PLXNA4: variants seen among roughly 807,000 people sequenced by gnomAD.
PLXNA4 encodes the protein plexin A4.
Under a neutral mutation model 191.8 loss-of-function variants are expected in PLXNA4, and 44 were observed. The observed-to-expected ratio is 0.23, with a 90% CI of 0.18 to 0.29. The LOEUF is 0.29. PLXNA4 is among the 10% of genes least tolerant of loss of function. PLXNA4 has a pLI of 1.00. For missense variants in PLXNA4, 1,800 were observed against 2,488.8 expected (o/e 0.72, Z 5.89); for synonymous variants, 1,082 against 1,009.5 (o/e 1.07, Z -1.36).
chr7:132,194,727 G>A (rs1797200097), intron 13 of PLXNA4, among the ~76,000 whole-genome samples: 1 of 152,172 alleles, frequency 6.6e-6, no homozygotes, highest in Non-Finnish European at 1.5e-5. Flanking sequence ...GTGTATGCGT[G>A]TGTGAACTTT....
At chr7:132,347,173 T>C (rs1393091093) in intron 3 of PLXNA4, among the ~76,000 whole-genome samples, 2 of 152,116 alleles carry the variant, frequency 1.3e-5, no homozygotes, top group African/African-American at 4.8e-5. Context: ...TTGGATTAAA[T>C]AGCATCAAAG....
intron 3 of PLXNA4, among the ~76,000 whole-genome samples, chr7:132,336,159 T>A (rs1177466577): frequency 6.6e-6 from 1 of 152,204 alleles, no homozygotes; most frequent in Non-Finnish European, 1.5e-5. Flanking sequence ...TAGCTTCTGC[T>A]CTCTAAGTAT....
intron 3 of PLXNA4, among the ~76,000 whole-genome samples, chr7:132,453,819 C>T (rs908407459): frequency 5.3e-5 from 8 of 152,320 alleles, no homozygotes; most frequent in East Asian, 3.9e-4. Context: ...GGATTATAGG[C>T]GTGAGCCACC....
intron 10 of PLXNA4, among the ~76,000 whole-genome samples, chr7:132,206,101 C>A (rs767283874): frequency 1.1e-4 from 16 of 152,126 alleles, no homozygotes; most frequent in Non-Finnish European, 1.9e-4. Context: ...CTGCCAGTGA[C>A]CAGCTGTGTG....
chr7:132,132,243 C>T (rs1003877444), intron 31 of PLXNA4, among the ~76,000 whole-genome samples: 1 of 152,244 alleles, frequency 6.6e-6, no homozygotes, highest in African/African-American at 2.4e-5. Context: ...TCTCTCCCAG[C>T]TGCTCCTGAC....
At chr7:132,355,870 A>C (rs1481028089) in intron 3 of PLXNA4, among the ~76,000 whole-genome samples, 1 of 152,118 alleles carries the variant, frequency 6.6e-6, no homozygotes, top group Non-Finnish European at 1.5e-5. Context: ...AAAGTGTACG[A>C]GGAGGTAGGA....
intron 2 of PLXNA4, among the ~76,000 whole-genome samples, chr7:132,609,821 G>A (rs776295122): frequency 2.6e-5 from 4 of 152,174 alleles, no homozygotes; most frequent in Admixed American, 6.5e-5. Flanking sequence ...GGGCTGTAGA[G>A]CAGTAGCTGG....
chr7:132,538,986 A>T (rs891967453), intron 1 of PLXNA4, among the ~76,000 whole-genome samples: 1 of 152,236 alleles, frequency 6.6e-6, no homozygotes, highest in Non-Finnish European at 1.5e-5. Context: ...CAGGTTTCAG[A>T]TCCTGTAATA....
intron 1 of PLXNA4, among the ~76,000 whole-genome samples, chr7:132,524,006 G>A (rs1799298190): frequency 6.6e-6 from 1 of 152,222 alleles, no homozygotes; most frequent in South Asian, 2.1e-4. Context: ...ACCACACTGT[G>A]TGTTCTGCGG....
In PLXNA4 at chr7:132,279,555, A is replaced by T. The variant is rs182055301; in HGVS notation, c.1503+18536T>A. 3.2e-3 allele frequency among the ~76,000 whole-genome samples: 487 copies of T among 152,146 alleles called. 6 individuals are homozygous for T. The highest frequency in any genetic ancestry group is 1.7e-3 in the Non-Finnish European group (115 of 68,008). Reference sequence around the variant, plus strand: ...CAGGCTGAGGTGGGAGGGTTGCTTGAGCCCGGTGGGGTTAAGGCTGCAGTG... The same window carrying T: ...CAGGCTGAGGTGGGAGGGTTGCTTGTGCCCGGTGGGGTTAAGGCTGCAGTG... On this transcript the variant is annotated intron_variant, in intron 4 of 31. Transcript: ENST00000321063.
intron 3 of PLXNA4, among the ~76,000 whole-genome samples, chr7:132,336,848 G>T (rs1487636408): frequency 2.6e-5 from 4 of 152,224 alleles, no homozygotes; most frequent in African/African-American, 9.7e-5. Context: ...CACACTCCAT[G>T]AGGGTAGCAG....
At chr7:132,470,404 G>A (rs904700948) in intron 3 of PLXNA4, among the ~76,000 whole-genome samples, 1 of 152,174 alleles carries the variant, frequency 6.6e-6, no homozygotes, top group East Asian at 1.9e-4. Context: ...CCTCTCAGTA[G>A]ACCTATCTGG....
intron 3 of PLXNA4, among the ~76,000 whole-genome samples, chr7:132,333,939 G>T (rs1585004722): frequency 6.6e-6 from 1 of 152,202 alleles, no homozygotes; most frequent in Non-Finnish European, 1.5e-5. Flanking sequence ...CGGGGTCCTG[G>T]AAGACCTACT....
At chr7:132,360,539 A>G (rs1284483585) in intron 3 of PLXNA4, among the ~76,000 whole-genome samples, 1 of 152,214 alleles carries the variant, frequency 6.6e-6, no homozygotes, top group Non-Finnish European at 1.5e-5. Flanking sequence ...GTCCCGTTCT[A>G]TCCTTTCCTT....
intron 1 of PLXNA4, among the ~76,000 whole-genome samples, chr7:132,538,089 T>C (rs550393025): frequency 2.2e-4 from 33 of 152,286 alleles, no homozygotes; most frequent in African/African-American, 7.7e-4. Context: ...CCTTCTCCAG[T>C]CCTCCCAATG....
intron 2 of PLXNA4, among the ~76,000 whole-genome samples, chr7:132,623,693 T>C (rs1193381876): frequency 6.6e-6 from 1 of 152,188 alleles, no homozygotes; most frequent in African/African-American, 2.4e-5. Flanking sequence ...AGTTTCTCCC[T>C]GGGACCCTGG....
intron 2 of PLXNA4, among the ~76,000 whole-genome samples, chr7:132,503,732 G>A (rs1452040219): frequency 1.3e-5 from 2 of 152,170 alleles, no homozygotes; most frequent in African/African-American, 2.4e-5. Context: ...CCCCACATGA[G>A]TGCTCATTAG....
At chr7:132,461,597 A>G (rs1796506503) in intron 3 of PLXNA4, among the ~76,000 whole-genome samples, 1 of 152,264 alleles carries the variant, frequency 6.6e-6, no homozygotes, top group Admixed American at 6.5e-5. Context: ...GGGAAAAGAA[A>G]TCAAGTCAAC....
chr7:132,146,013 G>A (rs1344194916), intron 28 of PLXNA4, among the ~76,000 whole-genome samples: 2 of 148,366 alleles, frequency 1.3e-5, no homozygotes, highest in Non-Finnish European at 3.0e-5. Flanking sequence ...CTGGGAGGAG[G>A]AGGTTGCAGT....
Sources: allele counts gnomAD v4.1 joint callset (sites outside exome capture counted in the v4.1 genomes callset), GRCh38; gene constraint gnomAD v4.1.1; transcripts MANE v1.5; gene names NCBI Gene and HGNC (gene_info 2026-07-23, HGNC 2026-07-21).